The following DPP6 variants were observed in gnomAD, a reference collection of about 807,000 sequenced individuals.
DPP6 encodes the protein A-type potassium channel modulatory protein DPP6.
A neutral mutation model predicts 122.6 loss-of-function variants in DPP6; 69 were observed. The ratio of observed to expected loss-of-function variants is 0.56; its 90% CI spans 0.46 to 0.69. The LOEUF is 0.69. Ranked by LOEUF, DPP6 falls within the 30% of genes least tolerant of loss-of-function variation. The pLI is 0.00. For missense variants in DPP6, 928 were observed against 1,116.9 expected (o/e 0.83, Z 2.41); for synonymous variants, 418 against 433.1 (o/e 0.97, Z 0.43).
At chr7:154,058,261 G>A (rs1486187279) in intron 1 of DPP6, 25 of 143,602 alleles carry the variant, frequency 1.7e-4, no homozygotes, top group African/African-American at 4.1e-4. Context: ...CCCTCGTGAT[G>A]CGGGGACTGA....
At position 154,833,414 on chromosome 7, in the gene DPP6, G is replaced by A. The variant is rs945694974; in HGVS notation, c.1667-20366G>A. Among the ~76,000 whole-genome samples the A allele has an allele frequency of 6.6e-6, 1 of 152,216 alleles. No homozygotes were observed. The highest frequency in any genetic ancestry group is 1.5e-5 in the Non-Finnish European group (1 of 68,028). On this transcript the variant is annotated intron_variant, in intron 16 of 25. Transcript: ENST00000377770. This position sits in a 1 kb window ranked among gnomAD's most constrained non-coding sequence, Gnocchi z 4.3. ...AGGCAGACAACCCCTCATCGAGAAG[G>A]AGCAAGAAGTGACTTCTGTGTGCCT...
At chr7:153,956,200 C>A (rs1005703138) in intron 1 of DPP6, among the ~76,000 whole-genome samples, 2 of 152,080 alleles carry the variant, frequency 1.3e-5, no homozygotes, top group Non-Finnish European at 2.9e-5. Context: ...TAGATGTGGG[C>A]AGGTGGGGGC....
chr7:154,800,077 AT>A (rs1378176668), intron 12 of DPP6, among the ~76,000 whole-genome samples: 1 of 152,252 alleles, frequency 6.6e-6, no homozygotes, highest in Non-Finnish European at 1.5e-5. Flanking sequence ...AACTGAAGGA[AT>A]ATAGCGCTAC....
At chr7:154,243,293 A>G (rs982543865) in intron 1 of DPP6, among the ~76,000 whole-genome samples, 3 of 152,342 alleles carry the variant, frequency 2.0e-5, no homozygotes, top group African/African-American at 7.2e-5. Context: ...ACAACAGTCA[A>G]TAGAAACAAG....
At chr7:154,186,556 A>T (rs1244416795) in intron 1 of DPP6, among the ~76,000 whole-genome samples, 1 of 152,218 alleles carries the variant, frequency 6.6e-6, no homozygotes, top group Non-Finnish European at 1.5e-5. Flanking sequence ...CACAATGCAC[A>T]CAAGTGCACA....
chr7:154,133,619 T>G (rs1795398148), intron 1 of DPP6, among the ~76,000 whole-genome samples: 1 of 152,146 alleles, frequency 6.6e-6, no homozygotes, highest in South Asian at 2.1e-4. Context: ...CAATTTGGAG[T>G]TAATCAAAGA....
chr7:154,093,639 C>CACAG (rs1554460920), intron 1 of DPP6: 7 of 151,144 alleles, frequency 4.6e-5, no homozygotes, highest in African/African-American at 1.5e-4. Flanking sequence ...ACACCATACA[C>CACAG]ACACACACAC....
chr7:154,451,396 T>C (rs1259104056), intron 2 of DPP6, among the ~76,000 whole-genome samples: 1 of 147,552 alleles, frequency 6.8e-6, no homozygotes, highest in African/African-American at 2.5e-5. Flanking sequence ...ATTAAATGGC[T>C]GCCCGGAGCT....
Position 154,455,916 on chromosome 7 carries a change from G to A in DPP6, c.358+9588G>A, listed in dbSNP as rs1820785361. On this transcript the variant is annotated intron_variant, in intron 2 of 25. Transcript: ENST00000377770. ...CCTCTGGAGTCTCTTGCCTGCTATA[G>A]ATGAGTGCCTCCTGGTCAGCTTCAA... is the stretch of plus-strand genomic sequence containing the variant. Among the ~76,000 whole-genome samples, 3 of 152,166 alleles carry A rather than the reference G, an allele frequency of 2.0e-5. No homozygotes were observed. The South Asian group carries it at 6.2e-4, about 32-fold the overall frequency.
chr7:153,819,400 CAGA>C, the DPP6 span, among the ~76,000 whole-genome samples: 1 of 148,976 alleles, frequency 6.7e-6, no homozygotes, highest in African/African-American at 2.5e-5. Context: ...TTTAATCATC[CAGA>C]AGGTGTCAAC....
chr7:153,831,098 A>G, the DPP6 span, among the ~76,000 whole-genome samples: 18 of 152,230 alleles, frequency 1.2e-4, no homozygotes, highest in Non-Finnish European at 2.4e-4. Flanking sequence ...ATTTGCAATT[A>G]ATTTTACCGA....
chr7:154,137,145 G>T (rs1392938594), intron 1 of DPP6, among the ~76,000 whole-genome samples: 2 of 152,052 alleles, frequency 1.3e-5, no homozygotes, highest in Non-Finnish European at 1.5e-5. Flanking sequence ...ACCATAAAAC[G>T]TTTCCACCCC....
intron 1 of DPP6, among the ~76,000 whole-genome samples, chr7:154,190,219 C>G (rs1034977287): frequency 1.3e-5 from 2 of 152,168 alleles, no homozygotes; most frequent in Non-Finnish European, 2.9e-5. Flanking sequence ...AGAGCAGGTG[C>G]TGTCTGATGG....
At chr7:154,363,162 G>A (rs1586057928) in intron 1 of DPP6, among the ~76,000 whole-genome samples, 1 of 152,178 alleles carries the variant, frequency 6.6e-6, no homozygotes, top group African/African-American at 2.4e-5. Flanking sequence ...CTGGTATAAG[G>A]CCACAGAAGC....
chr7:154,105,914 A>G (rs1410681985), intron 1 of DPP6, among the ~76,000 whole-genome samples: 3 of 150,376 alleles, frequency 2.0e-5, no homozygotes, highest in Admixed American at 6.6e-5. Context: ...ATAAGTCCAC[A>G]TTGCAGGCTC....
intron 1 of DPP6, among the ~76,000 whole-genome samples, chr7:153,904,856 G>A (rs1799785004): frequency 6.6e-6 from 1 of 152,236 alleles, no homozygotes; most frequent in Non-Finnish European, 1.5e-5. Flanking sequence ...AAAGACAGGT[G>A]AACAGGAGAA....
intron 1 of DPP6, among the ~76,000 whole-genome samples, chr7:154,351,353 C>T (rs1325203074): frequency 6.6e-6 from 1 of 152,160 alleles, no homozygotes; most frequent in East Asian, 1.9e-4. Context: ...ACCATCTCTT[C>T]TCTTCTCCCA....
chr7:154,077,298 A>G (rs1018299317), intron 1 of DPP6, among the ~76,000 whole-genome samples: 1 of 152,258 alleles, frequency 6.6e-6, no homozygotes, highest in African/African-American at 2.4e-5. Context: ...TCAATAATAG[A>G]CACAATGTGT....
intron 5 of DPP6, among the ~76,000 whole-genome samples, chr7:154,594,914 C>G (rs1833002496): frequency 1.3e-5 from 2 of 152,280 alleles, no homozygotes. Flanking sequence ...ATTGTTCTGA[C>G]CTGGCTCCCA....
Sources: allele counts gnomAD v4.1 joint callset (sites outside exome capture counted in the v4.1 genomes callset), GRCh38; gene constraint gnomAD v4.1.1; non-coding constraint Gnocchi (gnomAD v3.1); transcripts MANE v1.5; gene names NCBI Gene and HGNC (gene_info 2026-07-23, HGNC 2026-07-21).